The following EXTL3 variants were observed in gnomAD, a reference collection of about 807,000 sequenced individuals.
The protein encoded by EXTL3 is exostosin-like 3.
Under a neutral mutation model 69.3 loss-of-function variants are expected in EXTL3, and 27 were observed. The observed-to-expected ratio is 0.39, with a 90% confidence interval of 0.29 to 0.54. The LOEUF (loss-of-function observed/expected upper bound fraction) is 0.54. EXTL3 is among the 20% of genes least tolerant of loss of function. The probability of loss-of-function intolerance (pLI) is 0.69; values close to 1 mark genes in which losing one functional copy is unlikely to be tolerated. For missense variants in EXTL3, 1,003 were observed against 1,231.8 expected (o/e 0.81, Z 2.78); for synonymous variants, 511 against 499.4 (o/e 1.02, Z -0.31).
chr8:28,621,383 T>G (rs947931777), upstream of EXTL3, among the ~76,000 whole-genome samples: 1 of 152,168 alleles, frequency 6.6e-6, no homozygotes, highest in Non-Finnish European at 1.5e-5. Context: ...TGAAACAATC[T>G]TTCCTCACAG....
chr8:28,716,112 C>A lies in EXTL3; in HGVS notation c.53C>A (p.Thr18Asn), dbSNP rs760747700. Residue 18 changes from threonine to asparagine, a missense_variant, in exon 3 of 7, where the codon ACC becomes AAC. Thr to Asn is a moderately conservative substitution (Grantham distance 65). This residue lies in a region of EXTL3 where 742 missense variants were observed against 815.4 expected (regional missense o/e 0.91). Transcript: ENST00000220562. This position sits in a 1 kb window ranked among gnomAD's most constrained non-coding sequence, Gnocchi z 7.1. ...GGGGGCGCGGGGAACGGAGGTCAGA[C>A]CTGCATGCTGCGCTGGTCCAACCGC... The part of the protein sequence containing the change: ...RNGGAGNGGQ[T>N]CMLRWSNRIR... The A allele has an allele frequency of 2.5e-6, 4 of 1,613,360 alleles. No individual in the cohort carries two copies. Among genetic ancestry groups the A allele is most frequent in the Non-Finnish European group, 3.4e-6 (4 of 1,180,028 alleles).
At chr8:28,692,330 T>C (rs534907559) in intron 1 of EXTL3, among the ~76,000 whole-genome samples, 6 of 152,282 alleles carry the variant, frequency 3.9e-5, no homozygotes, top group Non-Finnish European at 8.8e-5. Flanking sequence ...AAGGCTTGGG[T>C]TGGGGAAGGG....
chr8:28,710,045 A>G (rs1213995177), intron 1 of EXTL3, among the ~76,000 whole-genome samples: 1 of 152,184 alleles, frequency 6.6e-6, no homozygotes, highest in Non-Finnish European at 1.5e-5. Flanking sequence ...CTGATTAGGG[A>G]AAAGAGTAAA....
At position 28,616,420 on chromosome 8, in the gene EXTL3, T is replaced by C. The variant is rs1480197605; in HGVS notation, n.314+8662T>C. 3.3e-5 allele frequency among the ~76,000 whole-genome samples: 5 copies of C among 151,932 alleles called. No homozygotes were observed. The East Asian group carries it at 9.7e-4, about 29-fold the overall frequency. On this transcript the variant is annotated intron_variant and non_coding_transcript_variant, in intron 2 of 4. Transcript: ENST00000522725. ...GCGGGTGGATCATGAGGTCAGGAGA[T>C]CGAGACCATCCTGGCTAACAGGGTG...
At chr8:28,682,570 G>GT (rs2130662318) in intron 1 of EXTL3, among the ~76,000 whole-genome samples, 1 of 152,284 alleles carries the variant, frequency 6.6e-6, no homozygotes, top group Non-Finnish European at 1.5e-5. Context: ...AGCCTCCCAA[G>GT]TAGCTGGGAC....
At chr8:28,665,218 C>T (rs567914641) in intron 1 of EXTL3, among the ~76,000 whole-genome samples, 1 of 151,164 alleles carries the variant, frequency 6.6e-6, no homozygotes, top group East Asian at 1.9e-4. Flanking sequence ...ATTACAGTTG[C>T]CTGCCACCAC....
At chr8:28,657,432 G>A (rs1054672453) in intron 1 of EXTL3, among the ~76,000 whole-genome samples, 4 of 152,178 alleles carry the variant, frequency 2.6e-5, no homozygotes, top group Non-Finnish European at 5.9e-5. Context: ...TGCCTGGCCC[G>A]ACTAAGTGGG....
chr8:28,661,498 C>A (rs1334604893), intron 1 of EXTL3, among the ~76,000 whole-genome samples: 1 of 151,848 alleles, frequency 6.6e-6, no homozygotes, highest in Non-Finnish European at 1.5e-5. Context: ...AAAGCCTTAA[C>A]ATGAATATAT....
Position 28,754,131 on chromosome 8 carries a change from TCGGTC to T in EXTL3, c.*3267_*3271del, listed in dbSNP as rs1282615757. 1.3e-5 allele frequency: 2 copies of T among 152,154 alleles called. No homozygotes were observed. Among genetic ancestry groups the T allele is most frequent in the Non-Finnish European group, 2.9e-5 (2 of 68,242 alleles). The allele number at this position is 152,154 out of a possible 1,614,324, so 9.4% of individuals were successfully genotyped here. ...GAGGCCTCACTGTGAATGGCTCGAT[TCGGTC>T]CATAGGTCATGCCCCTGACCTATAG... On this transcript the variant is annotated 3_prime_UTR_variant, in exon 7 of 7. Coordinates refer to ENST00000220562, the MANE Select transcript of EXTL3 (RefSeq NM_001440.4).
chr8:28,695,978 T>C (rs1030551303), intron 1 of EXTL3, among the ~76,000 whole-genome samples: 8 of 152,236 alleles, frequency 5.3e-5, no homozygotes, highest in African/African-American at 1.4e-4. Context: ...AGTGCAGTGG[T>C]GCGATCACGG....
chr8:28,691,187 T>C (rs1800608851), intron 1 of EXTL3, among the ~76,000 whole-genome samples: 1 of 152,242 alleles, frequency 6.6e-6, no homozygotes, highest in African/African-American at 2.4e-5. Context: ...ACCACCATGG[T>C]CATTTCATAA....
In EXTL3 at chr8:28,744,792, C is replaced by CAAA. The variant is rs56932280; in HGVS notation, c.2550+1590_2550+1592dup. The stretch of plus-strand genomic sequence containing the variant: ...TGGGTGACAGAGCGAGACTCCATCT[C>CAAA]AAAAAAAAAAAAAATACACACACAC... On this transcript the variant is annotated intron_variant, in intron 6 of 6. Coordinates refer to ENST00000220562, the MANE Select transcript of EXTL3 (RefSeq NM_001440.4). 3.5e-3 allele frequency among the ~76,000 whole-genome samples: 479 copies of CAAA among 137,624 alleles called. 2 individuals are homozygous for CAAA. The highest frequency in any genetic ancestry group is 0.012 in the African/African-American group (454 of 36,370). 90.3% of individuals were successfully genotyped at this position (137,624 alleles called of 152,430 possible). A position where few individuals can be genotyped will look rare whatever the true frequency, so the allele number is the denominator to read the frequency against.
In EXTL3 at chr8:28,717,857, T is replaced by C. The variant is rs1801199213; in HGVS notation, c.1798T>C (p.Phe600Leu). Residue 600 changes from phenylalanine (F) to leucine (L), a missense_variant, in exon 3 of 7, where the codon TTT (phenylalanine) becomes CTT (leucine). Phe to Leu is a conservative substitution (Grantham distance 22, BLOSUM62 0). Transcript: ENST00000220562. This position sits in a 1 kb window ranked among gnomAD's most constrained non-coding sequence, Gnocchi z 8.3. ...CAATTTCACTCTGACTGTCACTGACTTTTACCGCAGCTGGAACTGTGCTCC... is the reference window on the plus strand; with the variant it reads ...CAATTTCACTCTGACTGTCACTGACCTTTACCGCAGCTGGAACTGTGCTCC... Reference protein sequence around the residue: ...LRNFTLTVTDFYRSWNCAPGP... With the variant: ...LRNFTLTVTDLYRSWNCAPGP... The C allele has an allele frequency of 1.2e-6, 2 of 1,612,886 alleles. 1 individual carries two copies. The highest frequency in any genetic ancestry group is 2.2e-5 in the South Asian group (2 of 91,070).
At chr8:28,713,128 T>G (rs1160268075) in intron 1 of EXTL3, among the ~76,000 whole-genome samples, 1 of 152,262 alleles carries the variant, frequency 6.6e-6, no homozygotes, top group East Asian at 1.9e-4. Flanking sequence ...TCTCAGTATA[T>G]ACTTTCAACA....
chr8:28,733,214 C>T (rs1198074372), intron 4 of EXTL3, among the ~76,000 whole-genome samples: 3 of 151,842 alleles, frequency 2.0e-5, no homozygotes, highest in South Asian at 2.1e-4. Flanking sequence ...CATTTTGAGC[C>T]GGTCAGGCTG....
At chr8:28,692,981 A>T (rs115566819) in intron 1 of EXTL3, among the ~76,000 whole-genome samples, 1,920 of 152,240 alleles carry the variant, frequency 0.013, 39 homozygotes, top group African/African-American at 0.043. Flanking sequence ...TTTGCTACTC[A>T]CTGGCATAAT....
At chr8:28,731,470 G>A (rs1310135010) in intron 4 of EXTL3, 120 bp downstream of exon 4, 1 of 1,032,624 alleles carries the variant, frequency 9.7e-7, no homozygotes, top group Non-Finnish European at 1.5e-6. Context: ...AGTCAGGGCT[G>A]ATGTAGGACG....
intron 2 of EXTL3, among the ~76,000 whole-genome samples, chr8:28,715,091 A>G (rs1457030804): frequency 2.0e-5 from 3 of 152,256 alleles, no homozygotes; most frequent in Non-Finnish European, 4.4e-5. Flanking sequence ...AGTTCTCTTC[A>G]ACCCTTTCAA....
chr8:28,724,618 A>G (rs1008268934), intron 3 of EXTL3, among the ~76,000 whole-genome samples: 1 of 149,754 alleles, frequency 6.7e-6, no homozygotes, highest in Non-Finnish European at 1.5e-5. Flanking sequence ...AAAAAAAAAA[A>G]GAAGAAGAAA....
Sources: allele counts gnomAD v4.1 joint callset (sites outside exome capture counted in the v4.1 genomes callset), GRCh38; gene constraint gnomAD v4.1.1; regional missense constraint gnomAD v4.1.1; non-coding constraint Gnocchi (gnomAD v3.1); transcripts MANE v1.5; gene names NCBI Gene and HGNC (gene_info 2026-07-23, HGNC 2026-07-21).